IQSEC1: variants seen among roughly 807,000 people sequenced by gnomAD.
IQSEC1 encodes IQ motif and Sec7 domain ArfGEF 1, also known as IQ motif and SEC7 domain-containing protein 1.
IQSEC1 carries 31 observed loss-of-function variants against 91.0 expected under a neutral mutation model. The observed-to-expected ratio is 0.34, with a 90% CI of 0.26 to 0.46. IQSEC1 has a LOEUF of 0.46. Ranked by LOEUF, IQSEC1 falls within the 20% of genes least tolerant of loss-of-function variation. The pLI is 1.00. For missense variants in IQSEC1, 1,388 were observed against 1,575.6 expected, an observed-to-expected ratio of 0.88 and a Z score of 2.02; for synonymous variants, 699 against 662.6, an observed-to-expected ratio of 1.05 and a Z score of -0.84.
At chr3:13,107,421 C>T (rs1706168347) in intron 2 of IQSEC1, among the ~76,000 whole-genome samples, 2 of 152,228 alleles carry the variant, frequency 1.3e-5, no homozygotes, top group African/African-American at 4.8e-5. Flanking sequence ...GTGTTAGATG[C>T]TTCCGAGATG....
rs753030999 is a variant in IQSEC1, at chr3:13,159,741, C to G, written c.302+4363G>C. Among the ~76,000 whole-genome samples, 135 of 152,308 alleles carry G rather than the reference C, an allele frequency of 8.9e-4. 1 individual carries two copies. The highest frequency in any genetic ancestry group is 1.7e-3 in the Non-Finnish European group (117 of 68,028). On this transcript the variant is annotated intron_variant, in intron 2 of 15. Transcript: ENST00000648114. The stretch of plus-strand genomic sequence containing the variant: ...AGAACTCATTGAATGGAACTTATTC[C>G]TATGACTGAATGTAGCTGAGTTAAT...
At chr3:13,038,893 T>C (rs1420306179) in intron 1 of IQSEC1, among the ~76,000 whole-genome samples, 1 of 152,260 alleles carries the variant, frequency 6.6e-6, no homozygotes, top group Non-Finnish European at 1.5e-5. Context: ...ACTTACTATG[T>C]ACCTACAGCA....
chr3:13,099,332 T>C (rs1427068524), intron 2 of IQSEC1, among the ~76,000 whole-genome samples: 1 of 152,224 alleles, frequency 6.6e-6, no homozygotes, highest in African/African-American at 2.4e-5. Flanking sequence ...GTTTCGGGTG[T>C]GCAGGATTGC....
chr3:13,101,488 C>G (rs2124831278), intron 2 of IQSEC1, among the ~76,000 whole-genome samples: 1 of 150,660 alleles, frequency 6.6e-6, no homozygotes, highest in Non-Finnish European at 1.5e-5. Context: ...ACAAGGAGGT[C>G]TGGGAAGGCC....
intron 1 of IQSEC1, among the ~76,000 whole-genome samples, chr3:13,052,516 G>A (rs760046729): frequency 5.3e-5 from 8 of 152,214 alleles, no homozygotes; most frequent in Non-Finnish European, 1.2e-4. Context: ...TTCTTGGACC[G>A]GTGTTTGTGT....
intron 1 of IQSEC1, among the ~76,000 whole-genome samples, chr3:13,063,285 C>G (rs1048098624): frequency 6.6e-6 from 1 of 152,268 alleles, no homozygotes; most frequent in African/African-American, 2.4e-5. Context: ...ATTCATAGAA[C>G]AGTCAATTTG....
chr3:13,074,047 A>T (rs9829703), upstream of IQSEC1, among the ~76,000 whole-genome samples: 37,510 of 152,170 alleles, frequency 0.25, 5,106 homozygotes, highest in East Asian at 0.37. Flanking sequence ...TGTGCCGGGC[A>T]AGTATCTGCC....
chr3:13,035,845 T>C (rs1179370604), intron 1 of IQSEC1, among the ~76,000 whole-genome samples: 2 of 152,236 alleles, frequency 1.3e-5, no homozygotes, highest in Non-Finnish European at 2.9e-5. Context: ...TGGCCATTTC[T>C]ACTTGGCTCT....
chr3:12,969,560 T>C (rs1400652517), intron 1 of IQSEC1, among the ~76,000 whole-genome samples: 1 of 152,188 alleles, frequency 6.6e-6, no homozygotes, highest in Non-Finnish European at 1.5e-5. Context: ...CATGACCCAG[T>C]TGATGGCAGA....
rs573645348 is a variant in IQSEC1, at chr3:12,924,807, G to A, written c.1569-65C>T. 4.1e-6 allele frequency: 6 copies of A among 1,452,798 alleles called. No individual in the cohort carries two copies. Among genetic ancestry groups the A allele is most frequent in the Non-Finnish European group, 4.6e-6 (5 of 1,076,788 alleles). The allele number at this position is 1,452,798 out of a possible 1,614,324, so 90.0% of individuals were successfully genotyped here. The stretch of plus-strand genomic sequence containing the variant: ...GGCCACCAGCCAGGCACCTGGAGGG[G>A]ATCTCCGCTCAGTGGACGGTCGACA... On this transcript the variant is annotated intron_variant, in intron 3 of 13. Coordinates refer to ENST00000613206, the MANE Select transcript of IQSEC1 (RefSeq NM_001134382.3). The surrounding 1 kb of genome is among the most constrained non-coding windows in gnomAD (Gnocchi z 6.3).
At chr3:13,243,522 G>A (rs1004657000) in intron 1 of IQSEC1, among the ~76,000 whole-genome samples, 2 of 152,188 alleles carry the variant, frequency 1.3e-5, no homozygotes, top group African/African-American at 4.8e-5. Context: ...CTACAAGGAG[G>A]TGCTGCTGGC....
Position 12,936,237 on chromosome 3 carries a change from G to A in IQSEC1, c.779C>T (p.Ala260Val), listed in dbSNP as rs376868528. The A allele has an allele frequency of 1.1e-5, 18 of 1,613,030 alleles. No individual in the cohort carries two copies. Among genetic ancestry groups the A allele is most frequent in the South Asian group, 4.4e-5 (4 of 91,080 alleles). ...CTGGGGTTCGGTGTCCCGGGCCCGCGCCGCATCCAGGGCCGGTGCCTCCTC... is the reference window on the plus strand; with the variant it reads ...CTGGGGTTCGGTGTCCCGGGCCCGCACCGCATCCAGGGCCGGTGCCTCCTC... ...HTEEAPALDA[A>V]RARDTEPQTA... Residue 260 changes from alanine to valine, a missense_variant, in exon 3 of 14, where the codon GCG (alanine) becomes GTG (valine). Ala to Val is a moderately conservative substitution (Grantham distance 64). This residue lies in a region of IQSEC1 where 1,059 missense variants were observed against 1,317.8 expected (regional missense o/e 0.80). Transcript: ENST00000613206.
In IQSEC1 at chr3:12,940,068, T is replaced by G. The variant is rs1009224556; in HGVS notation, c.318+1503A>C. ...TATAATTCTCTTCAAAGGCCTCTAT[T>G]AAGTCCCAACCTTTCTCCTTTCTGT... On this transcript the variant is annotated intron_variant, in intron 2 of 13. Coordinates refer to ENST00000613206, the MANE Select transcript of IQSEC1 (RefSeq NM_001134382.3). The surrounding 1 kb of genome is among the most constrained non-coding windows in gnomAD (Gnocchi z 4.4). Among the ~76,000 whole-genome samples, 2 of 152,202 alleles carry G rather than the reference T, an allele frequency of 1.3e-5. No individual in the cohort carries two copies. The highest frequency in any genetic ancestry group is 2.9e-5 in the Non-Finnish European group (2 of 68,032).
At chr3:12,953,803 G>C (rs1699723977) in intron 1 of IQSEC1, among the ~76,000 whole-genome samples, 1 of 152,228 alleles carries the variant, frequency 6.6e-6, no homozygotes, top group African/African-American at 2.4e-5. Flanking sequence ...TTATGGGCTA[G>C]AGTCCAACAC....
In IQSEC1 at chr3:12,935,424, T is replaced by C; in HGVS notation, c.1568+24A>G. 6.3e-7 allele frequency: 1 copy of C among 1,591,542 alleles called. No homozygotes were observed. The highest frequency in any genetic ancestry group is 8.6e-7 in the Non-Finnish European group (1 of 1,164,752). On this transcript the variant is annotated intron_variant, in intron 3 of 13. Coordinates refer to ENST00000613206, the MANE Select transcript of IQSEC1 (RefSeq NM_001134382.3). The surrounding 1 kb of genome is among the most constrained non-coding windows in gnomAD (Gnocchi z 8.0). The stretch of plus-strand genomic sequence containing the variant: ...CCCAGCAAGCCACAGCTGCCCACCC[T>C]GAGGGGTCACCCATGGTACTCACTT...
At chr3:13,121,914 A>G (rs943754614) in intron 2 of IQSEC1, among the ~76,000 whole-genome samples, 2 of 152,228 alleles carry the variant, frequency 1.3e-5, no homozygotes, top group African/African-American at 4.8e-5. Flanking sequence ...CGGCCACGGC[A>G]GTGGGAGGCT....
At chr3:13,275,858 C>T (rs372137363) in intron 1 of IQSEC1, among the ~76,000 whole-genome samples, 16 of 152,282 alleles carry the variant, frequency 1.1e-4, no homozygotes, top group South Asian at 2.1e-4. Context: ...GTGCAGGGCC[C>T]GGCTCCTGGG....
At chr3:13,084,881 A>C (rs1220971392) in intron 2 of IQSEC1, among the ~76,000 whole-genome samples, 1 of 145,580 alleles carries the variant, frequency 6.9e-6, no homozygotes, top group African/African-American at 2.6e-5. Flanking sequence ...GAAAGTGATA[A>C]GGGCAGCCTG....
intron 1 of IQSEC1, among the ~76,000 whole-genome samples, chr3:12,950,322 T>C (rs1699457215): frequency 6.6e-6 from 1 of 152,180 alleles, no homozygotes; most frequent in African/African-American, 2.4e-5. Flanking sequence ...AGGAGCAGAA[T>C]GCAAGGATAC....
Sources: gnomAD v4.1 joint callset for allele counts (sites outside exome capture counted in the v4.1 genomes callset) on GRCh38, gnomAD v4.1.1 for gene constraint, gnomAD v4.1.1 regional missense constraint, Gnocchi (gnomAD v3.1) non-coding constraint, MANE v1.5 for transcripts, NCBI Gene and HGNC (gene_info 2026-07-23, HGNC 2026-07-21) for gene names.